PTPRD: variants seen among roughly 807,000 people sequenced by gnomAD.
PTPRD encodes protein tyrosine phosphatase receptor type D.
PTPRD carries 34 observed loss-of-function variants against 214.5 expected under a neutral mutation model. That is an observed-to-expected ratio of 0.16 (90% confidence interval 0.12 to 0.21). PTPRD has a LOEUF of 0.21. PTPRD is among the 10% of genes least tolerant of loss of function. PTPRD has a pLI of 1.00. For synonymous variants in PTPRD, 1,128 were observed against 845.7 expected, an observed-to-expected ratio of 1.33 and a Z score of -5.79; for missense variants, 2,545 against 2,398.7, an observed-to-expected ratio of 1.06 and a Z score of -1.27.
intron 12 of PTPRD, among the ~76,000 whole-genome samples, chr9:8,645,469 A>T (rs1042048464): frequency 6.6e-6 from 1 of 152,232 alleles, no homozygotes; most frequent in African/African-American, 2.4e-5. Flanking sequence ...CTTCAATGAC[A>T]TATTTCTATG....
intron 11 of PTPRD, among the ~76,000 whole-genome samples, chr9:8,955,500 C>T (rs1588818425): frequency 6.6e-6 from 1 of 151,854 alleles, no homozygotes; most frequent in Non-Finnish European, 1.5e-5. Flanking sequence ...GCTCTGCTCT[C>T]AGGGAAATGG....
intron 3 of PTPRD, among the ~76,000 whole-genome samples, chr9:10,127,642 C>A (rs1463560122): frequency 6.6e-6 from 1 of 152,038 alleles, no homozygotes; most frequent in African/African-American, 2.4e-5. Context: ...TATCCTTCTA[C>A]CATCCTGTTA....
chr9:10,607,084 T>G (rs1322170726), intron 2 of PTPRD, among the ~76,000 whole-genome samples: 3 of 151,928 alleles, frequency 2.0e-5, no homozygotes, highest in African/African-American at 7.2e-5. Flanking sequence ...AAGCTATCTC[T>G]GATCTCATGT....
chr9:9,124,553 C>A (rs566271095), intron 10 of PTPRD, among the ~76,000 whole-genome samples: 1 of 152,122 alleles, frequency 6.6e-6, no homozygotes. Flanking sequence ...CAATTATAGA[C>A]TCTCAGCTCT....
At chr9:10,400,550 A>C (rs2154495396) in intron 2 of PTPRD, among the ~76,000 whole-genome samples, 1 of 151,810 alleles carries the variant, frequency 6.6e-6, no homozygotes, top group East Asian at 1.9e-4. Flanking sequence ...ATAAATCTGT[A>C]AAAATCAGCT....
At chr9:8,698,341 G>A (rs906682571) in intron 12 of PTPRD, among the ~76,000 whole-genome samples, 4 of 152,180 alleles carry the variant, frequency 2.6e-5, no homozygotes, top group Admixed American at 6.5e-5. Context: ...CAAGGACAGC[G>A]AAGACGACAG....
At chr9:10,148,108 G>A (rs1189120812) in intron 3 of PTPRD, among the ~76,000 whole-genome samples, 3 of 152,086 alleles carry the variant, frequency 2.0e-5, no homozygotes, top group African/African-American at 7.2e-5. Context: ...CAACTATGAA[G>A]AAGGGAATCT....
At chr9:9,928,757 TAC>T (rs60820386) in intron 5 of PTPRD, among the ~76,000 whole-genome samples, 277 of 146,916 alleles carry the variant, frequency 1.9e-3, no homozygotes, top group East Asian at 2.6e-3. Flanking sequence ...TCTCTCTCTA[TAC>T]ACACACACAC....
Position 8,826,520 on chromosome 9 carries a change from T to A in PTPRD, c.-103-92574A>T, listed in dbSNP as rs377458757. Among the ~76,000 whole-genome samples the A allele has an allele frequency of 5.3e-5, 8 of 152,084 alleles. No individual in the cohort carries two copies. In the East Asian group the frequency reaches 9.7e-4, roughly 18 times the overall value. On this transcript the variant is annotated intron_variant, in intron 11 of 45. Coordinates refer to ENST00000381196, the MANE Select transcript of PTPRD (RefSeq NM_002839.4). ...TTCACCACACAGTTATTTCCTGCCT[T>A]TTATCCTTCATACGTGCTGATACCA...
chr9:10,139,672 G>A lies in PTPRD; in HGVS notation c.-544-105882C>T, dbSNP rs537175941. 3.3e-5 allele frequency among the ~76,000 whole-genome samples: 5 copies of A among 152,032 alleles called. No homozygotes were observed. In the South Asian group the frequency reaches 1.0e-3, roughly 32 times the overall value. ...GGGTACAGGAACCAAACCATCACAA[G>A]GCTAGGACAAAAACCAGACACACTG... On this transcript the variant is annotated intron_variant, in intron 3 of 45. Transcript: ENST00000381196.
chr9:8,485,052 G>A (rs1487569943), intron 29 of PTPRD, among the ~76,000 whole-genome samples, 175 bp downstream of exon 29: 3 of 152,196 alleles, frequency 2.0e-5, no homozygotes, highest in Admixed American at 1.3e-4. Context: ...TCTTCAGAGT[G>A]TAAAGGACAC....
intron 4 of PTPRD, among the ~76,000 whole-genome samples, chr9:9,979,076 C>A (rs2095455441): frequency 6.6e-6 from 1 of 151,876 alleles, no homozygotes; most frequent in Non-Finnish European, 1.5e-5. Flanking sequence ...AAATAGTTTT[C>A]AGACAAAACT....
At chr9:8,906,797 T>A (rs2098710952) in intron 11 of PTPRD, among the ~76,000 whole-genome samples, 1 of 151,944 alleles carries the variant, frequency 6.6e-6, no homozygotes, top group South Asian at 2.1e-4. Flanking sequence ...TATATGACTA[T>A]CCAGACGTTT....
chr9:9,609,444 A>T, intron 7 of PTPRD, among the ~76,000 whole-genome samples: 1 of 152,144 alleles, frequency 6.6e-6, no homozygotes, highest in East Asian at 1.9e-4. Context: ...ATCAAGTAAC[A>T]ATGTGAAGGT....
intron 9 of PTPRD, among the ~76,000 whole-genome samples, chr9:9,381,369 TTA>T (rs1491005290): frequency 0.03 from 4,151 of 140,274 alleles, 276 homozygotes; most frequent in African/African-American, 0.098. Context: ...CTTTTTTTTT[TTA>T]TTTTTTTTTT....
At chr9:10,307,450 T>C (rs2096117174) in intron 3 of PTPRD, among the ~76,000 whole-genome samples, 1 of 152,134 alleles carries the variant, frequency 6.6e-6, no homozygotes, top group Non-Finnish European at 1.5e-5. Context: ...GTTTTCTTTA[T>C]CCATTCATTC....
chr9:9,481,200 G>C (rs1284291058), intron 8 of PTPRD, among the ~76,000 whole-genome samples: 1 of 152,064 alleles, frequency 6.6e-6, no homozygotes, highest in Non-Finnish European at 1.5e-5. Flanking sequence ...AAAATAATGA[G>C]ATATTTTTAG....
At chr9:9,553,181 G>A (rs1438884059) in intron 8 of PTPRD, among the ~76,000 whole-genome samples, 7 of 151,988 alleles carry the variant, frequency 4.6e-5, no homozygotes, top group Non-Finnish European at 1.5e-5. Flanking sequence ...TTGATATTGT[G>A]AAAGCAATTG....
intron 9 of PTPRD, among the ~76,000 whole-genome samples, chr9:9,319,759 G>A (rs1160134337): frequency 6.6e-6 from 1 of 152,070 alleles, no homozygotes; most frequent in Non-Finnish European, 1.5e-5. Flanking sequence ...AATTTTCTAG[G>A]AGTAGTGATA....
Sources: gnomAD v4.1 joint callset for allele counts (sites outside exome capture counted in the v4.1 genomes callset) on GRCh38, gnomAD v4.1.1 for gene constraint, MANE v1.5 for transcripts, NCBI Gene and HGNC (gene_info 2026-07-23, HGNC 2026-07-21) for gene names.